Variants in SLC30A7 observed in about 807,000 individuals in gnomAD.
The protein encoded by SLC30A7 is solute carrier family 30 member 7.
Under a neutral mutation model 46.0 loss-of-function variants are expected in SLC30A7, and 35 were observed. That is an observed-to-expected ratio of 0.76 (90% confidence interval 0.58 to 1.01). The LOEUF is 1.01. SLC30A7 is among the 50% of genes least tolerant of loss of function. The pLI, the probability that SLC30A7 is intolerant of heterozygous loss-of-function variation, is 0.00. For missense variants in SLC30A7, 464 were observed against 451.1 expected (o/e 1.03, Z -0.26); for synonymous variants, 147 against 157.8 (o/e 0.93, Z 0.51).
chr1:100,974,999 T>C lies in SLC30A7; in HGVS notation c.*142T>C, dbSNP rs1397562235. ...TAAGTAGACGGGGTAGAGTCAGCCG[T>C]TCATGCTTTGTGGGGAGTTCACAGC... is the stretch of plus-strand genomic sequence containing the variant. On this transcript the variant is annotated 3_prime_UTR_variant, in exon 11 of 11. Coordinates refer to ENST00000357650, the MANE Select transcript of SLC30A7 (RefSeq NM_133496.5). 1.9e-6 allele frequency: 1 copy of C among 528,940 alleles called. No homozygotes were observed. The allele number at this position is 528,940 out of a possible 1,614,324, so 32.8% of individuals were successfully genotyped here. A position where few individuals can be genotyped will look rare whatever the true frequency, so the allele number is the denominator to read the frequency against.
intron 6 of SLC30A7, among the ~76,000 whole-genome samples, chr1:100,915,225 C>CT (rs1553236630): frequency 4.9e-5 from 5 of 102,148 alleles, no homozygotes; most frequent in African/African-American, 1.5e-4. Context: ...TTCTTTCTTT[C>CT]TTTCTTTCTT....
chr1:100,932,729 C>T (rs1653730519), intron 8 of SLC30A7, among the ~76,000 whole-genome samples: 1 of 151,676 alleles, frequency 6.6e-6, no homozygotes, highest in African/African-American at 2.4e-5. Context: ...AAGATCTCAC[C>T]AAGTAATATG....
intron 3 of SLC30A7, among the ~76,000 whole-genome samples, chr1:100,910,059 T>G (rs1490789826): frequency 2.0e-5 from 3 of 152,242 alleles, no homozygotes; most frequent in African/African-American, 7.2e-5. Flanking sequence ...AAATACATAC[T>G]ATGTTGGAAT....
chr1:100,994,966 C>T, the SLC30A7 span: 15 of 584,904 alleles, frequency 2.6e-5, no homozygotes, highest in South Asian at 8.3e-5. Context: ...CTTATCATTT[C>T]GTAAGAATAA....
chr1:100,952,129 A>G (rs1325383425), intron 8 of SLC30A7, among the ~76,000 whole-genome samples: 1 of 152,232 alleles, frequency 6.6e-6, no homozygotes, highest in Non-Finnish European at 1.5e-5. Flanking sequence ...CCTTGATTTT[A>G]GCCCAATGGA....
chr1:100,980,224 A>G lies in SLC30A7; in HGVS notation c.*5367A>G, dbSNP rs1656844359. 2 of 152,136 alleles carry G rather than the reference A, an allele frequency of 1.3e-5. No individual in the cohort carries two copies. Among genetic ancestry groups the G allele is most frequent in the African/African-American group, 4.8e-5 (2 of 41,456 alleles). The allele number at this position is 152,136 out of a possible 1,614,324, so 9.4% of individuals were successfully genotyped here. ...TATCCAAGAGACCTTAATTTAGTTT[A>G]TTAGGGAATTATCTTCCCCAAAAGT... On this transcript the variant is annotated 3_prime_UTR_variant, in exon 11 of 11. Coordinates refer to ENST00000357650, the MANE Select transcript of SLC30A7 (RefSeq NM_133496.5).
intron 10 of SLC30A7, among the ~76,000 whole-genome samples, chr1:100,966,962 A>C (rs1655905337): frequency 6.6e-6 from 1 of 152,238 alleles, no homozygotes; most frequent in Non-Finnish European, 1.5e-5. Flanking sequence ...TAGTCAGTGC[A>C]TGGTCTACAA....
rs1352274296 is a variant in SLC30A7 at position 100,911,169 on chromosome 1, A to G, written c.384+19A>G. 1 of 1,477,748 alleles carries G rather than the reference A, an allele frequency of 6.8e-7. No individual in the cohort carries two copies. The highest frequency in any genetic ancestry group is 9.3e-7 in the Non-Finnish European group (1 of 1,071,648). 91.5% of individuals were successfully genotyped at this position (1,477,748 alleles called of 1,614,324 possible). On this transcript the variant is annotated intron_variant, in intron 4 of 10. Coordinates refer to ENST00000357650, the MANE Select transcript of SLC30A7 (RefSeq NM_133496.5). ...AGTTGAGGTATAGTAGATAATTATT[A>G]AAGTCAGTAAATTACATTTCTGTAA...
chr1:100,939,306 TGACA>T (rs1416339956), intron 8 of SLC30A7, among the ~76,000 whole-genome samples: 4 of 152,100 alleles, frequency 2.6e-5, no homozygotes, highest in African/African-American at 7.2e-5. Flanking sequence ...GGGAAAACTA[TGACA>T]GACAATTTAG....
chr1:100,906,808 T>C (rs1245955879), intron 2 of SLC30A7, 44 bp from the exon 3 acceptor site: 19 of 1,302,632 alleles, frequency 1.5e-5, no homozygotes, highest in Non-Finnish European at 2.0e-5. Flanking sequence ...ATGCCTACTG[T>C]TTGGTTTTTA....
downstream of SLC30A7, among the ~76,000 whole-genome samples, chr1:100,986,146 A>T (rs1224951416): frequency 1.3e-5 from 2 of 152,240 alleles, no homozygotes; most frequent in African/African-American, 4.8e-5. Context: ...ACAGTGGCTC[A>T]TGCCTGTAAT....
At chr1:100,962,873 ATTC>A (rs764776654) in intron 9 of SLC30A7, among the ~76,000 whole-genome samples, 23 of 152,208 alleles carry the variant, frequency 1.5e-4, no homozygotes, top group Non-Finnish European at 2.6e-4. Flanking sequence ...GAAGATAAAT[ATTC>A]TTCTTCACAT....
chr1:100,956,360 A>G (rs1396672670), intron 8 of SLC30A7, among the ~76,000 whole-genome samples: 1 of 152,134 alleles, frequency 6.6e-6, no homozygotes, highest in African/African-American at 2.4e-5. Flanking sequence ...TTTTAGGAGG[A>G]AAAAAGGAAG....
At chr1:100,961,634 G>T (rs1212062885) in intron 8 of SLC30A7, among the ~76,000 whole-genome samples, 194 bp from the exon 9 acceptor site, 2 of 152,120 alleles carry the variant, frequency 1.3e-5, no homozygotes, top group Non-Finnish European at 2.9e-5. Flanking sequence ...ATTTTCTCTA[G>T]CTCTTTTATT....
chr1:100,912,022 C>A, intron 4 of SLC30A7, 90 bp from the exon 5 acceptor site: 1 of 1,159,696 alleles, frequency 8.6e-7, no homozygotes, highest in Non-Finnish European at 1.2e-6. Context: ...CCAAAAATAA[C>A]TGAAAGTGTT....
chr1:100,980,884 A>T lies in SLC30A7; in HGVS notation c.*6027A>T, dbSNP rs955571993. ...TTTTATGGAAAATTGCCATATTCAC[A>T]TATTTCATTTATCCTAATGTATTGT... is the stretch of plus-strand genomic sequence containing the variant. On this transcript the variant is annotated 3_prime_UTR_variant, in exon 11 of 11. Transcript: ENST00000357650. The T allele has an allele frequency of 1.3e-5, 2 of 152,104 alleles. No homozygotes were observed. Among genetic ancestry groups the T allele is most frequent in the African/African-American group, 2.4e-5 (1 of 41,438 alleles). 9.4% of individuals were successfully genotyped at this position (152,104 alleles called of 1,614,324 possible).
At chr1:100,995,052 G>T in the SLC30A7 span, 1 of 1,199,402 alleles carries the variant, frequency 8.3e-7, no homozygotes, top group Non-Finnish European at 1.2e-6. Context: ...TAAGTAGAAT[G>T]TATTGAATTG....
chr1:100,984,630 T>C (rs1037368429), downstream of SLC30A7, among the ~76,000 whole-genome samples: 2 of 152,226 alleles, frequency 1.3e-5, no homozygotes, highest in African/African-American at 4.8e-5. Flanking sequence ...AGCAATCTGA[T>C]AATTGCATCC....
Position 100,980,347 on chromosome 1 carries a change from G to T in SLC30A7, c.*5490G>T, listed in dbSNP as rs981268758. Reference sequence around the variant, plus strand: ...AAGGAAGAAATCTGTTTCATAAATAGTAGTAATCTATGCTTAAACTTAACA... The same window carrying T: ...AAGGAAGAAATCTGTTTCATAAATATTAGTAATCTATGCTTAAACTTAACA... On this transcript the variant is annotated 3_prime_UTR_variant, in exon 11 of 11. Transcript: ENST00000357650. 5 of 152,076 alleles carry T rather than the reference G, an allele frequency of 3.3e-5. No individual in the cohort carries two copies. Among genetic ancestry groups the T allele is most frequent in the African/African-American group, 9.7e-5 (4 of 41,430 alleles). The allele number at this position is 152,076 out of a possible 1,614,324, so 9.4% of individuals were successfully genotyped here. A position where few individuals can be genotyped will look rare whatever the true frequency, so the allele number is the denominator to read the frequency against.
Sources: allele counts gnomAD v4.1 joint callset (sites outside exome capture counted in the v4.1 genomes callset), GRCh38; gene constraint gnomAD v4.1.1; transcripts MANE v1.5; gene names NCBI Gene and HGNC (gene_info 2026-07-23, HGNC 2026-07-21).